Variants in GABRA5 observed in about 807,000 individuals in gnomAD.
GABRA5 encodes gamma-aminobutyric acid type A receptor subunit alpha5.
In GABRA5, 18 loss-of-function variants were observed where a neutral mutation model predicts 47.3. The ratio of observed to expected loss-of-function variants is 0.38; its 90% CI spans 0.26 to 0.56. The LOEUF (loss-of-function observed/expected upper bound fraction) is 0.56, where lower values mean the gene tolerates loss of function less well. GABRA5 is among the 20% of genes least tolerant of loss of function. GABRA5 has a pLI of 0.71. For synonymous variants in GABRA5, 237 were observed against 229.3 expected (o/e 1.03, Z -0.30); for missense variants, 365 against 599.3 (o/e 0.61, Z 4.08).
chr15:26,873,120 G>A (rs1270495138), intron 3 of GABRA5, among the ~76,000 whole-genome samples: 1 of 152,136 alleles, frequency 6.6e-6, no homozygotes, highest in Non-Finnish European at 1.5e-5. Context: ...ATTACTTGAA[G>A]TACTATATTT....
At chr15:26,897,169 C>T (rs1443868934) in intron 6 of GABRA5, among the ~76,000 whole-genome samples, 4 of 152,096 alleles carry the variant, frequency 2.6e-5, no homozygotes, top group African/African-American at 9.7e-5. Context: ...TGTGACATGC[C>T]TATGTTGCTT....
chr15:26,894,611 TC>T (rs1203910549), intron 6 of GABRA5, among the ~76,000 whole-genome samples: 2 of 152,148 alleles, frequency 1.3e-5, no homozygotes, highest in Non-Finnish European at 2.9e-5. Flanking sequence ...TCATCGGAAT[TC>T]CTTGGCCTTC....
intron 7 of GABRA5, among the ~76,000 whole-genome samples, chr15:26,928,029 C>G (rs1229328846): frequency 6.6e-6 from 1 of 152,088 alleles, no homozygotes; most frequent in Non-Finnish European, 1.5e-5. Context: ...TACTTAAACA[C>G]AACAAGACTA....
chr15:26,876,369 G>A lies in GABRA5; in HGVS notation c.87-4477G>A, dbSNP rs184796868. 2.8e-4 allele frequency among the ~76,000 whole-genome samples: 43 copies of A among 152,306 alleles called. No individual in the cohort carries two copies. The Middle Eastern group carries it at 0.014, about 48-fold the overall frequency. On this transcript the variant is annotated intron_variant, in intron 3 of 10. Transcript: ENST00000335625. Reference sequence around the variant, plus strand: ...GGTTAAGTGCACACAAAAAGGAAAGGGTGTCTGGATCGTGCCCTGGGGCAT... The same window carrying A: ...GGTTAAGTGCACACAAAAAGGAAAGAGTGTCTGGATCGTGCCCTGGGGCAT...
At position 26,911,226 on chromosome 15, in the gene GABRA5, T is replaced by C. The variant is rs1893576223; in HGVS notation, c.498-3577T>C. On this transcript the variant is annotated intron_variant, in intron 6 of 10. Transcript: ENST00000335625. ...AAGTCACAAGGCTCTAATAATAGCA[T>C]TTATTGAGATGGTAATTGTAGAAAA... 3.3e-5 allele frequency among the ~76,000 whole-genome samples: 5 copies of C among 152,058 alleles called. No homozygotes were observed. In the South Asian group the frequency reaches 1.0e-3, roughly 32 times the overall value.
At chr15:26,944,795 T>C (rs552843226) in intron 10 of GABRA5, among the ~76,000 whole-genome samples, 123 of 152,090 alleles carry the variant, frequency 8.1e-4, no homozygotes, top group Non-Finnish European at 1.4e-3. Flanking sequence ...AGATGGTGCA[T>C]GATGGATAGT....
intron 7 of GABRA5, among the ~76,000 whole-genome samples, chr15:26,935,709 TG>T (rs1566885874): frequency 6.6e-6 from 1 of 152,180 alleles, no homozygotes; most frequent in Non-Finnish European, 1.5e-5. Context: ...TCCAGGCCTT[TG>T]CAGGAGGCCT....
intron 6 of GABRA5, among the ~76,000 whole-genome samples, chr15:26,911,357 C>G (rs78740014): frequency 0.16 from 21,502 of 137,532 alleles, 1,967 homozygotes; most frequent in Middle Eastern, 0.24. Context: ...TCCCTGCCCC[C>G]ACCCTTGCTG....
intron 6 of GABRA5, among the ~76,000 whole-genome samples, chr15:26,888,267 G>C (rs1892926636): frequency 6.6e-6 from 1 of 152,212 alleles, no homozygotes; most frequent in African/African-American, 2.4e-5. Context: ...AAAGAGAGCA[G>C]CAAACATCTC....
At position 26,898,238 on chromosome 15, in the gene GABRA5, G is replaced by T. The variant is rs562220755; in HGVS notation, c.497+14681G>T. ...GAAAAACAAATCCTCTGTTCAGTGA[G>T]TCAAGGCCCATGGGAAACGTAAACC... On this transcript the variant is annotated intron_variant, in intron 6 of 10. Transcript: ENST00000335625. 2.6e-5 allele frequency among the ~76,000 whole-genome samples: 4 copies of T among 152,318 alleles called. No homozygotes were observed. The East Asian group carries it at 7.7e-4, about 29-fold the overall frequency.
chr15:26,941,885 T>A (rs1215941715), intron 9 of GABRA5, among the ~76,000 whole-genome samples: 1 of 152,236 alleles, frequency 6.6e-6, no homozygotes, highest in African/African-American at 2.4e-5. Context: ...CCCAGTGACC[T>A]CATTTTAACT....
chr15:26,931,693 TA>T (rs1894111424), intron 7 of GABRA5, among the ~76,000 whole-genome samples: 1 of 152,166 alleles, frequency 6.6e-6, no homozygotes, highest in South Asian at 2.1e-4. Flanking sequence ...TTGGAATTCA[TA>T]GATGGGAATA....
intron 8 of GABRA5, chr15:26,939,317 G>A: frequency 1.3e-6 from 1 of 765,306 alleles, no homozygotes; most frequent in South Asian, 1.3e-5. Flanking sequence ...GGCAAATCCA[G>A]AGAAGGCACT....
intron 10 of GABRA5, among the ~76,000 whole-genome samples, chr15:26,947,581 A>G (rs1894542128): frequency 1.3e-5 from 2 of 152,294 alleles, no homozygotes; most frequent in South Asian, 2.1e-4. Flanking sequence ...CATGGTGTAT[A>G]TGTACCACAC....
chr15:26,906,182 T>A (rs1893439765), intron 6 of GABRA5, among the ~76,000 whole-genome samples: 1 of 152,124 alleles, frequency 6.6e-6, no homozygotes, highest in Admixed American at 6.6e-5. Flanking sequence ...GTTTGGTGAG[T>A]TTTTGAGCTA....
intron 6 of GABRA5, among the ~76,000 whole-genome samples, chr15:26,911,064 C>T (rs1893571757): frequency 6.6e-6 from 1 of 152,086 alleles, no homozygotes; most frequent in Admixed American, 6.5e-5. Flanking sequence ...AAATTTATTT[C>T]CTGACTGAGG....
chr15:26,901,863 T>C (rs1388985098), intron 6 of GABRA5, among the ~76,000 whole-genome samples: 2 of 152,192 alleles, frequency 1.3e-5, no homozygotes, highest in East Asian at 1.9e-4. Flanking sequence ...TTCATCTTTA[T>C]ACATGTGCAT....
rs143491953 is a variant in GABRA5, at chr15:26,930,556, C to T, written c.581-6629C>T. ...TCTTCCAGTTTCCAATAACATGTTCCTCATTTTTTGTCTGAGACCTCATTG... is the reference window on the plus strand; with the variant it reads ...TCTTCCAGTTTCCAATAACATGTTCTTCATTTTTTGTCTGAGACCTCATTG... On this transcript the variant is annotated intron_variant, in intron 7 of 10. Transcript: ENST00000335625. Among the ~76,000 whole-genome samples the T allele has an allele frequency of 6.2e-3, 939 of 152,242 alleles. 5 individuals are homozygous for T. The highest frequency in any genetic ancestry group is 8.0e-3 in the Non-Finnish European group (541 of 68,018).
chr15:26,905,701 G>T (rs1566875323), intron 6 of GABRA5, among the ~76,000 whole-genome samples: 1 of 151,672 alleles, frequency 6.6e-6, no homozygotes, highest in East Asian at 1.9e-4. Context: ...CAGAATGGAT[G>T]ATTTCATTTG....
Sources: allele counts gnomAD v4.1 joint callset (sites outside exome capture counted in the v4.1 genomes callset), GRCh38; gene constraint gnomAD v4.1.1; transcripts MANE v1.5; gene names NCBI Gene and HGNC (gene_info 2026-07-23, HGNC 2026-07-21).